Variants in SPDYE5 observed in about 807,000 individuals in gnomAD.
SPDYE5 encodes speedy protein E5.
In SPDYE5, 15 loss-of-function variants were observed where a neutral mutation model predicts 48.5. The ratio of observed to expected loss-of-function variants is 0.31; its 90% CI spans 0.21 to 0.48. SPDYE5 has a LOEUF of 0.48. Ranked by LOEUF, SPDYE5 falls within the 20% of genes least tolerant of loss-of-function variation. The pLI is 0.99. For synonymous variants in SPDYE5, 116 were observed against 200.7 expected, an observed-to-expected ratio of 0.58 and a Z score of 3.57; for missense variants, 331 against 549.1, an observed-to-expected ratio of 0.60 and a Z score of 3.97.
chr7:75,495,623 G>C (rs1554482424), intron 3 of SPDYE5, among the ~76,000 whole-genome samples: 2 of 152,164 alleles, frequency 1.3e-5, no homozygotes, highest in Non-Finnish European at 2.9e-5. Context: ...TCACGCCTGA[G>C]ATCCTAGCAC....
At chr7:75,498,326 G>A (rs1309816122) in intron 5 of SPDYE5, among the ~76,000 whole-genome samples, 1 of 151,866 alleles carries the variant, frequency 6.6e-6, no homozygotes, top group East Asian at 1.9e-4. Context: ...GTTTTGCCAT[G>A]TTGGCCAGGT....
In SPDYE5 at chr7:75,500,230, G is replaced by A. The variant is rs1247965038; in HGVS notation, c.755+914G>A. Among the ~76,000 whole-genome samples, 11 of 143,908 alleles carry A rather than the reference G, an allele frequency of 7.6e-5. No homozygotes were observed. In the South Asian group the frequency reaches 9.6e-4, roughly 13 times the overall value. 94.4% of individuals were successfully genotyped at this position (143,908 alleles called of 152,430 possible). ...ACAATCTCTACAAGCACACTGGCTC[G>A]CCATCTTGGTATTTCCTGGCTCGGC... On this transcript the variant is annotated intron_variant, in intron 6 of 8. Coordinates refer to ENST00000625065, the MANE Select transcript of SPDYE5 (RefSeq NM_001306141.4).
chr7:75,502,648 C>T (rs587641410), intron 8 of SPDYE5, among the ~76,000 whole-genome samples, 185 bp from the exon 9 acceptor site: 11 of 148,260 alleles, frequency 7.4e-5, no homozygotes, highest in South Asian at 2.1e-4. Flanking sequence ...GTTTTGGAGT[C>T]GTCACCAAAG....
chr7:75,491,702 ATTTTTTTTTTTTTT>A (rs782071463), upstream of SPDYE5, among the ~76,000 whole-genome samples: 4 of 70,934 alleles, frequency 5.6e-5, no homozygotes, highest in Admixed American at 2.2e-4. Flanking sequence ...CTGTTTAGCC[ATTTTTTTTTTTTTT>A]TTTTTTTTTT....
intron 3 of SPDYE5, among the ~76,000 whole-genome samples, 189 bp from the exon 4 acceptor site, chr7:75,496,485 C>T (rs782649869): frequency 4.5e-5 from 6 of 132,520 alleles, no homozygotes; most frequent in East Asian, 4.3e-4. Context: ...GACAGAGAAA[C>T]GGGAGAATGG....
rs6947307 is a variant in SPDYE5, at chr7:75,494,199, G to T, written c.152G>T (p.Gly51Val). 640,902 of 1,534,114 alleles carry T rather than the reference G, an allele frequency of 0.42. 141,272 individuals carry two copies. Among genetic ancestry groups the T allele is most frequent in the East Asian group, 0.71 (28,944 of 40,812 alleles). Residue 51 changes from glycine to valine, a missense_variant, in exon 2 of 9, where the codon GGA becomes GTA. Gly to Val is a moderately radical substitution (Grantham distance 109, BLOSUM62 -3). Coordinates refer to ENST00000625065, the MANE Select transcript of SPDYE5 (RefSeq NM_001306141.4). ...GAGGTGGTGGATGATGAAGTGTTGG[G>T]ACCATCAGGTGAGGGGACTGGTGGA... ...LQEVVDDEVL[G>V]PSAPGVDPSP...
At chr7:75,495,477 G>A in intron 3 of SPDYE5, 103 bp downstream of exon 3, 10 of 1,553,712 alleles carry the variant, frequency 6.4e-6, no homozygotes, top group Non-Finnish European at 8.6e-6. Context: ...CCCCCCGTGG[G>A]TGAGCTCTCC....
chr7:75,493,110 C>T (rs2868112), intron 1 of SPDYE5, among the ~76,000 whole-genome samples: 3 of 152,126 alleles, frequency 2.0e-5, no homozygotes, highest in African/African-American at 4.8e-5. Flanking sequence ...CTGAAATTTT[C>T]GACTTAGTCT....
intron 6 of SPDYE5, among the ~76,000 whole-genome samples, chr7:75,499,729 C>T (rs1184097048): frequency 1.2e-4 from 17 of 141,102 alleles, no homozygotes; most frequent in East Asian, 2.1e-4. Flanking sequence ...GTCGAGCCAC[C>T]GCACTCCAGC....
At chr7:75,499,372 G>T in intron 6 of SPDYE5, 56 bp downstream of exon 6, 1 of 1,044,298 alleles carries the variant, frequency 9.6e-7, no homozygotes, top group South Asian at 1.3e-5. Context: ...GACAGCGGGG[G>T]AAGTGGGATT....
chr7:75,492,578 C>T (rs1166213064), intron 1 of SPDYE5, among the ~76,000 whole-genome samples, 137 bp downstream of exon 1: 1 of 151,838 alleles, frequency 6.6e-6, no homozygotes, highest in South Asian at 2.1e-4. Flanking sequence ...GCTGCGATTA[C>T]AGGCATCCAC....
chr7:75,502,802 T>C (rs1190863420), intron 8 of SPDYE5, 31 bp from the exon 9 acceptor site: 1 of 1,008,190 alleles, frequency 9.9e-7, no homozygotes, highest in Non-Finnish European at 1.3e-6. Context: ...GCTGCCTCCT[T>C]GAAGTGTGAC....
chr7:75,496,114 G>A (rs1350489326), intron 3 of SPDYE5, among the ~76,000 whole-genome samples: 15 of 149,370 alleles, frequency 1.0e-4, no homozygotes, highest in African/African-American at 7.4e-5. Flanking sequence ...GAGGCAGGGT[G>A]CACTGGCTCA....
At chr7:75,500,834 G>C (rs1182335180) in intron 6 of SPDYE5, among the ~76,000 whole-genome samples, 2 of 152,058 alleles carry the variant, frequency 1.3e-5, no homozygotes, top group Non-Finnish European at 2.9e-5. Context: ...TCAGCCTCCT[G>C]AGTAGCTAGG....
chr7:75,493,143 T>C (rs1161778584), intron 1 of SPDYE5, among the ~76,000 whole-genome samples: 1 of 151,950 alleles, frequency 6.6e-6, no homozygotes, highest in Admixed American at 6.6e-5. Flanking sequence ...GATATTTTAT[T>C]CATAGAATCC....
At chr7:75,499,627 C>T (rs1242215662) in intron 6 of SPDYE5, among the ~76,000 whole-genome samples, 1 of 151,670 alleles carries the variant, frequency 6.6e-6, no homozygotes, top group Non-Finnish European at 1.5e-5. Context: ...ATTAGCTGGG[C>T]GTGGTGGTGT....
intron 8 of SPDYE5, among the ~76,000 whole-genome samples, chr7:75,502,380 G>T (rs3973247): frequency 1.3e-5 from 2 of 152,064 alleles, no homozygotes; most frequent in Non-Finnish European, 2.9e-5. Context: ...GCTAACCACG[G>T]TGAGCACAGA....
At chr7:75,500,908 G>A (rs1180378895) in intron 6 of SPDYE5, among the ~76,000 whole-genome samples, 5 of 152,040 alleles carry the variant, frequency 3.3e-5, no homozygotes, top group East Asian at 3.9e-4. Context: ...GGGTTTCTCC[G>A]TGTTGACCAG....
chr7:75,501,632 C>A lies in SPDYE5; in HGVS notation c.1026C>A (p.Gly342=), dbSNP rs1352961956. 1.2e-6 allele frequency: 2 copies of A among 1,613,626 alleles called. No individual in the cohort carries two copies. The highest frequency in any genetic ancestry group is 2.2e-5 in the East Asian group (1 of 44,882). ...TCCGTAAGCGTCGGTTCCAGTTAGGCCGTTCCATGAACCTGAGGGCCAGGA... is the reference window on the plus strand; with the variant it reads ...TCCGTAAGCGTCGGTTCCAGTTAGGACGTTCCATGAACCTGAGGGCCAGGA... ...PLLRKRRFQL[G]RSMNLRARKN... The change falls in exon 7 of 9, where the codon GGC becomes GGA. Residue 342 remains glycine (G), a synonymous_variant. Transcript: ENST00000625065.
Sources: gnomAD v4.1 joint callset for allele counts (sites outside exome capture counted in the v4.1 genomes callset) on GRCh38, gnomAD v4.1.1 for gene constraint, MANE v1.5 for transcripts, NCBI Gene and HGNC (gene_info 2026-07-23, HGNC 2026-07-21) for gene names.